The following TMEM271 variants were observed in gnomAD, a reference collection of about 807,000 sequenced individuals.
TMEM271 encodes transmembrane protein 271.
Position 575,953 on chromosome 4 carries a change from T to C in TMEM271, c.110A>G (p.Glu37Gly). The C allele has an allele frequency of 2.7e-6, 1 of 372,904 alleles. No homozygotes were observed. The highest frequency in any genetic ancestry group is 4.8e-6 in the Non-Finnish European group (1 of 209,696). 23.1% of individuals were successfully genotyped at this position (372,904 alleles called of 1,614,324 possible). Reference protein sequence around the residue: ...VGLKCFSLGSELRGEPFRLGA... With the variant: ...VGLKCFSLGSGLRGEPFRLGA... ...CAGGCGGAACGGCTCCCCGCGCAGC[T>C]CCGAGCCCAACGAGAAGCACTTGAG... Residue 37 changes from glutamate to glycine, a missense_variant, in exon 1 of 1, where the codon GAG becomes GGG. Glu to Gly is a moderately conservative substitution (Grantham distance 98, BLOSUM62 -2). Transcript: ENST00000610212.
Position 574,894 on chromosome 4 carries a change from G to C in TMEM271, c.*11C>G. The C allele has an allele frequency of 7.6e-6, 3 of 396,116 alleles. No homozygotes were observed. Among genetic ancestry groups the C allele is most frequent in the Non-Finnish European group, 8.9e-6 (2 of 224,456 alleles). 24.5% of individuals were successfully genotyped at this position (396,116 alleles called of 1,614,324 possible). A position where few individuals can be genotyped will look rare whatever the true frequency, so the allele number is the denominator to read the frequency against. ...AGCGCGGTCCGCGGGATGGGGGTCC[G>C]GCCCGCGGGATCAGCAGGCCCGATG... On this transcript the variant is annotated 3_prime_UTR_variant, in exon 1 of 1. Coordinates refer to ENST00000610212, the MANE Select transcript of TMEM271 (RefSeq NM_001362796.2).
Position 575,498 on chromosome 4 carries a change from AGCCCGGCGCCGAGCCGGG to A in TMEM271, c.547_564del (p.Pro183_Gly188del). 1 of 284,670 alleles carries A rather than the reference AGCCCGGCGCCGAGCCGGG, an allele frequency of 3.5e-6. No individual in the cohort carries two copies. Among genetic ancestry groups the A allele is most frequent in the East Asian group, 6.1e-5 (1 of 16,318 alleles). 17.6% of individuals were successfully genotyped at this position (284,670 alleles called of 1,614,324 possible). A position where few individuals can be genotyped will look rare whatever the true frequency, so the allele number is the denominator to read the frequency against. On this transcript the variant is annotated inframe_deletion, in exon 1 of 1. Coordinates refer to ENST00000610212, the MANE Select transcript of TMEM271 (RefSeq NM_001362796.2). ...CGAGCGCGCGGGGCGCCGGGGGCCG[AGCCCGGCGCCGAGCCGGG>A]GGCCGAGCCCGGGGCCGAGCCGGGG...
chr4:574,596 A>C lies in TMEM271; in HGVS notation c.*309T>G, dbSNP rs560267193. 1.2e-5 allele frequency: 3 copies of C among 257,920 alleles called. No homozygotes were observed. The Admixed American group carries it at 1.7e-4, about 14-fold the overall frequency. 16.0% of individuals were successfully genotyped at this position (257,920 alleles called of 1,614,324 possible). A position where few individuals can be genotyped will look rare whatever the true frequency, so the allele number is the denominator to read the frequency against. ...GGTTTGGACTTGCCAAGAAAAGTGC[A>C]GTCGGGCTAGCCAAGCCCAAACATT... is the stretch of plus-strand genomic sequence containing the variant. On this transcript the variant is annotated 3_prime_UTR_variant, in exon 1 of 1. Transcript: ENST00000610212.
At position 575,492 on chromosome 4, in the gene TMEM271, G is replaced by A. The variant is rs1577196607; in HGVS notation, c.571C>T (p.Pro191Ser). ...GTGCTGCGAGCGCGCGGGGCGCCGG[G>A]GGCCGAGCCCGGCGCCGAGCCGGGG... ...SAPGSAPGSA[P>S]GAPRARSTLD... Residue 191 changes from proline to serine, a missense_variant, in exon 1 of 1, where the codon CCC becomes TCC. Pro to Ser is a moderately conservative substitution (Grantham distance 74, BLOSUM62 -1). Coordinates refer to ENST00000610212, the MANE Select transcript of TMEM271 (RefSeq NM_001362796.2). 5 of 284,958 alleles carry A rather than the reference G, an allele frequency of 1.8e-5. No individual in the cohort carries two copies. The East Asian group carries it at 3.1e-4, about 18-fold the overall frequency. 17.7% of individuals were successfully genotyped at this position (284,958 alleles called of 1,614,324 possible). A position where few individuals can be genotyped will look rare whatever the true frequency, so the allele number is the denominator to read the frequency against.
At position 575,526 on chromosome 4, in the gene TMEM271, C is replaced by CGGGGCCGAGCCG; in HGVS notation, c.525_536dup (p.Ser189_Gly192dup). 6.4e-6 allele frequency: 2 copies of CGGGGCCGAGCCG among 310,284 alleles called. No individual in the cohort carries two copies. Among genetic ancestry groups the CGGGGCCGAGCCG allele is most frequent in the Non-Finnish European group, 1.2e-5 (2 of 170,912 alleles). The allele number at this position is 310,284 out of a possible 1,614,324, so 19.2% of individuals were successfully genotyped here. ...CCGGCGCCGAGCCGGGGGCCGAGCCCGGGGCCGAGCCGGGGGTTGAGCCCG... is the reference window on the plus strand; with the variant it reads ...CCGGCGCCGAGCCGGGGGCCGAGCCCGGGGCCGAGCCGGGGGCCGAGCCGGGGGTTGAGCCCG... On this transcript the variant is annotated inframe_insertion, in exon 1 of 1. Coordinates refer to ENST00000610212, the MANE Select transcript of TMEM271 (RefSeq NM_001362796.2).
Position 575,744 on chromosome 4 carries a change from C to T in TMEM271, c.319G>A (p.Ala107Thr), listed in dbSNP as rs1206823541. The change falls in exon 1 of 1, where the codon GCC becomes ACC. Residue 107 changes from alanine to threonine, a missense_variant. By Grantham distance (58) the Ala-to-Thr change is moderately conservative (BLOSUM62 0). Coordinates refer to ENST00000610212, the MANE Select transcript of TMEM271 (RefSeq NM_001362796.2). ...APEATPGESG[A>T]AAGAPGPVSS... ...ACCGGCCCCGGGGCCCCGGCCGCGG[C>T]CCCCGACTCGCCCGGCGTGGCCTCG... 1 of 357,214 alleles carries T rather than the reference C, an allele frequency of 2.8e-6. No homozygotes were observed. The highest frequency in any genetic ancestry group is 5.0e-6 in the Non-Finnish European group (1 of 199,314). The allele number at this position is 357,214 out of a possible 1,614,324, so 22.1% of individuals were successfully genotyped here. A position where few individuals can be genotyped will look rare whatever the true frequency, so the allele number is the denominator to read the frequency against.
rs1156234156 is a variant in TMEM271 at position 575,213 on chromosome 4, G to T, written c.850C>A (p.Arg284=). The T allele has an allele frequency of 6.2e-6, 2 of 324,722 alleles. No homozygotes were observed. Among genetic ancestry groups the T allele is most frequent in the Non-Finnish European group, 1.1e-5 (2 of 179,298 alleles). The allele number at this position is 324,722 out of a possible 1,614,324, so 20.1% of individuals were successfully genotyped here. The change falls in exon 1 of 1, where the codon CGG becomes AGG. Residue 284 remains arginine (R), a synonymous_variant. Coordinates refer to ENST00000610212, the MANE Select transcript of TMEM271 (RefSeq NM_001362796.2). ...PPASRARRGR[R]GRRGRRLQQR... ...TGCAGCCGCCGCCCCCGCCGGCCCCGCCGGCCCCGGCGCGCCCGAGAGGCG... is the reference window on the plus strand; with the variant it reads ...TGCAGCCGCCGCCCCCGCCGGCCCCTCCGGCCCCGGCGCGCCCGAGAGGCG...
chr4:575,854 A>C lies in TMEM271; in HGVS notation c.209T>G (p.Leu70Arg). ...AGLSLLGAAL[L>R]CCGPRDAPLA... ...GGGCGCGTCCCGGGGTCCGCAGCAG[A>C]GCAGGGCGGCGCCGAGCAGTGAGAG... The change falls in exon 1 of 1, where the codon CTC becomes CGC. Residue 70 changes from leucine (L) to arginine (R), a missense_variant. Physicochemically the swap from Leu to Arg is moderately radical, Grantham distance 102 (BLOSUM62 -2). Transcript: ENST00000610212. 2.7e-6 allele frequency: 1 copy of C among 368,014 alleles called. No homozygotes were observed. Among genetic ancestry groups the C allele is most frequent in the African/African-American group, 2.1e-5 (1 of 46,998 alleles). The allele number at this position is 368,014 out of a possible 1,614,324, so 22.8% of individuals were successfully genotyped here.
In TMEM271 at chr4:575,073, G is replaced by A. The variant is rs1332043388; in HGVS notation, c.990C>T (p.Val330=). 19 of 396,904 alleles carry A rather than the reference G, an allele frequency of 4.8e-5. No individual in the cohort carries two copies. The South Asian group carries it at 5.1e-4, about 11-fold the overall frequency. 24.6% of individuals were successfully genotyped at this position (396,904 alleles called of 1,614,324 possible). Residue 330 remains valine, a synonymous_variant, in exon 1 of 1, where the codon GTC becomes GTT. Coordinates refer to ENST00000610212, the MANE Select transcript of TMEM271 (RefSeq NM_001362796.2). ...HHAVSYINVG[V]LHALDEAGAE... is the part of the protein sequence containing the mutation. ...CGCCCGCCTCGTCCAGCGCGTGGAG[G>A]ACGCCTACGTTGATGTAGGAGACCG...
At position 573,961 on chromosome 4, in the gene TMEM271, A is replaced by G. The variant is rs1732385010; in HGVS notation, c.*944T>C. ...GATTAATGAAATAATCAACAGGAAA[A>G]TTATCTATGCCAGAAAAACTATGAC... is the stretch of plus-strand genomic sequence containing the variant. On this transcript the variant is annotated 3_prime_UTR_variant, in exon 1 of 1. Transcript: ENST00000610212. 1 of 152,032 alleles carries G rather than the reference A, an allele frequency of 6.6e-6. No homozygotes were observed. The highest frequency in any genetic ancestry group is 6.5e-5 in the Admixed American group (1 of 15,270). 9.4% of individuals were successfully genotyped at this position (152,032 alleles called of 1,614,324 possible).
At position 574,051 on chromosome 4, in the gene TMEM271, T is replaced by C. The variant is rs1326376175; in HGVS notation, c.*854A>G. ...ATCAAAAATAAGATCTGCTTTGCAG[T>C]CGAAACCACACAACCAGTTTCCAAA... On this transcript the variant is annotated 3_prime_UTR_variant, in exon 1 of 1. Transcript: ENST00000610212. 6.7e-6 allele frequency: 1 copy of C among 149,254 alleles called. No homozygotes were observed. Among genetic ancestry groups the C allele is most frequent in the East Asian group, 2.0e-4 (1 of 5,120 alleles). The allele number at this position is 149,254 out of a possible 1,614,324, so 9.2% of individuals were successfully genotyped here.
At position 575,306 on chromosome 4, in the gene TMEM271, C is replaced by G; in HGVS notation, c.757G>C (p.Gly253Arg). Residue 253 changes from glycine (G) to arginine (R), a missense_variant, in exon 1 of 1, where the codon GGC (glycine) becomes CGC (arginine). Transcript: ENST00000610212. The part of the protein sequence containing the change: ...KSSQARRGRR[G>R]RRRGGRALAR... ...AGGGCCCGGCCTCCCCTCCGCCTGC[C>G]GCGCCGACCGCGCCGGGCCTGCGAC... 1 of 212,996 alleles carries G rather than the reference C, an allele frequency of 4.7e-6. No homozygotes were observed. Among genetic ancestry groups the G allele is most frequent in the Non-Finnish European group, 9.2e-6 (1 of 108,144 alleles). The allele number at this position is 212,996 out of a possible 1,614,324, so 13.2% of individuals were successfully genotyped here. A position where few individuals can be genotyped will look rare whatever the true frequency, so the allele number is the denominator to read the frequency against.
chr4:575,762 T>G lies in TMEM271; in HGVS notation c.301A>C (p.Thr101Pro). 2.8e-6 allele frequency: 1 copy of G among 358,984 alleles called. No homozygotes were observed. 22.2% of individuals were successfully genotyped at this position (358,984 alleles called of 1,614,324 possible). The change falls in exon 1 of 1, where the codon ACG becomes CCG. Residue 101 changes from threonine to proline, a missense_variant. Thr to Pro is a conservative substitution (Grantham distance 38, BLOSUM62 -1). Coordinates refer to ENST00000610212, the MANE Select transcript of TMEM271 (RefSeq NM_001362796.2). ...GCCGCGGCCCCCGACTCGCCCGGCG[T>G]GGCCTCGGGAGCGCCTGCCGGCGCC... Reference protein sequence around the residue: ...PAAPAGAPEATPGESGAAAGA... With the variant: ...PAAPAGAPEAPPGESGAAAGA...
At position 575,105 on chromosome 4, in the gene TMEM271, G is replaced by A. The variant is rs1732407105; in HGVS notation, c.958C>T (p.His320Tyr). 5.1e-6 allele frequency: 2 copies of A among 395,934 alleles called. No homozygotes were observed. Among genetic ancestry groups the A allele is most frequent in the Non-Finnish European group, 8.9e-6 (2 of 224,542 alleles). The allele number at this position is 395,934 out of a possible 1,614,324, so 24.5% of individuals were successfully genotyped here. A position where few individuals can be genotyped will look rare whatever the true frequency, so the allele number is the denominator to read the frequency against. The change falls in exon 1 of 1, where the codon CAC becomes TAC. Residue 320 changes from histidine to tyrosine, a missense_variant. Coordinates refer to ENST00000610212, the MANE Select transcript of TMEM271 (RefSeq NM_001362796.2). ...APGDCAGFAAHHAVSYINVGV... is the reference protein window; with the variant it reads ...APGDCAGFAAYHAVSYINVGV... ...ACGTTGATGTAGGAGACCGCGTGGTGCGCCGCGAAGCCCGCGCAGTCCCCG... is the reference window on the plus strand; with the variant it reads ...ACGTTGATGTAGGAGACCGCGTGGTACGCCGCGAAGCCCGCGCAGTCCCCG...
Position 575,493 on chromosome 4 carries a change from G to T in TMEM271, c.570C>A (p.Ala190=). The change falls in exon 1 of 1, where the codon GCC becomes GCA. Residue 190 remains alanine, a synonymous_variant. Coordinates refer to ENST00000610212, the MANE Select transcript of TMEM271 (RefSeq NM_001362796.2). ...TGCTGCGAGCGCGCGGGGCGCCGGGGGCCGAGCCCGGCGCCGAGCCGGGGG... is the reference window on the plus strand; with the variant it reads ...TGCTGCGAGCGCGCGGGGCGCCGGGTGCCGAGCCCGGCGCCGAGCCGGGGG... The part of the protein sequence containing the change: ...GSAPGSAPGS[A]PGAPRARSTL... 3.5e-6 allele frequency: 1 copy of T among 285,734 alleles called. No homozygotes were observed. Among genetic ancestry groups the T allele is most frequent in the Non-Finnish European group, 6.4e-6 (1 of 155,398 alleles). The allele number at this position is 285,734 out of a possible 1,614,324, so 17.7% of individuals were successfully genotyped here.
At position 575,526 on chromosome 4, in the gene TMEM271, CGG is replaced by C; in HGVS notation, c.535_536del (p.Pro179GlyfsTer49). ...SAPGSTPGSAPGSAPGSAPGS... is the reference protein window; with the variant it reads ...SAPGSTPGSAXGSAPGSAPGS... ...CCGGCGCCGAGCCGGGGGCCGAGCC[CGG>C]GGCCGAGCCGGGGGTTGAGCCCGGG... On this transcript the variant is annotated frameshift_variant, in exon 1 of 1. Coordinates refer to ENST00000610212, the MANE Select transcript of TMEM271 (RefSeq NM_001362796.2). LOFTEE classifies it high-confidence loss of function. 3.2e-6 allele frequency: 1 copy of C among 310,284 alleles called. No individual in the cohort carries two copies. Among genetic ancestry groups the C allele is most frequent in the Non-Finnish European group, 5.9e-6 (1 of 170,912 alleles). 19.2% of individuals were successfully genotyped at this position (310,284 alleles called of 1,614,324 possible). A position where few individuals can be genotyped will look rare whatever the true frequency, so the allele number is the denominator to read the frequency against.
chr4:576,237 C>CT lies in TMEM271; in HGVS notation c.-176_-175insA. 3.0e-5 allele frequency: 4 copies of CT among 131,618 alleles called. No individual in the cohort carries two copies. Among genetic ancestry groups the CT allele is most frequent in the Non-Finnish European group, 6.4e-5 (4 of 62,604 alleles). The allele number at this position is 131,618 out of a possible 1,614,324, so 8.2% of individuals were successfully genotyped here. ...GGAGCCCGCATCCTCCGCCTCCCGC[C>CT]GCCGCCGCCGCCGCCGCCGCCGCCG... On this transcript the variant is annotated 5_prime_UTR_variant, in exon 1 of 1. Transcript: ENST00000610212.
At position 575,573 on chromosome 4, in the gene TMEM271, C is replaced by T. The variant is rs1432857135; in HGVS notation, c.490G>A (p.Gly164Ser). 8.7e-6 allele frequency: 3 copies of T among 343,046 alleles called. No individual in the cohort carries two copies. The highest frequency in any genetic ancestry group is 8.5e-5 in the East Asian group (2 of 23,642). 21.3% of individuals were successfully genotyped at this position (343,046 alleles called of 1,614,324 possible). ...SHYCLPPRAP[G>S]SSPGSAPGST... ...CCCGGGGCCGAGCCGGGGCTCGAACCTGGCGCCCGCGGGGGCAGGCAGTAG... is the reference window on the plus strand; with the variant it reads ...CCCGGGGCCGAGCCGGGGCTCGAACTTGGCGCCCGCGGGGGCAGGCAGTAG... The change falls in exon 1 of 1, where the codon GGT becomes AGT. Residue 164 changes from glycine to serine, a missense_variant. Coordinates refer to ENST00000610212, the MANE Select transcript of TMEM271 (RefSeq NM_001362796.2).
rs1382162535 is a variant in TMEM271 at position 575,076 on chromosome 4, G to A, written c.987C>T (p.Gly329=). Residue 329 remains glycine, a synonymous_variant, in exon 1 of 1, where the codon GGC becomes GGT. Coordinates refer to ENST00000610212, the MANE Select transcript of TMEM271 (RefSeq NM_001362796.2). ...CCGCCTCGTCCAGCGCGTGGAGGAC[G>A]CCTACGTTGATGTAGGAGACCGCGT... ...AHHAVSYINV[G]VLHALDEAGA... 2.5e-5 allele frequency: 10 copies of A among 396,774 alleles called. No individual in the cohort carries two copies. The Admixed American group carries it at 3.5e-4, about 14-fold the overall frequency. 24.6% of individuals were successfully genotyped at this position (396,774 alleles called of 1,614,324 possible). A position where few individuals can be genotyped will look rare whatever the true frequency, so the allele number is the denominator to read the frequency against.
Sources: gnomAD v4.1 joint callset for allele counts on GRCh38, gnomAD v4.1.1 for gene constraint, MANE v1.5 for transcripts, NCBI Gene and HGNC (gene_info 2026-07-23, HGNC 2026-07-21) for gene names.